The following TENM3 variants were observed in gnomAD, a reference collection of about 807,000 sequenced individuals.
TENM3 encodes teneurin-3.
A neutral mutation model predicts 255.1 loss-of-function variants in TENM3; 63 were observed. That is an observed-to-expected ratio of 0.25 (90% CI 0.20 to 0.30). The LOEUF (loss-of-function observed/expected upper bound fraction) is 0.30, where lower values mean the gene tolerates loss of function less well. Ranked by LOEUF, TENM3 falls within the 10% of genes least tolerant of loss-of-function variation. TENM3 has a pLI of 1.00. For missense variants in TENM3, 2,929 were observed against 3,461.1 expected (o/e 0.85, Z 3.86); for synonymous variants, 1,306 against 1,322.3 (o/e 0.99, Z 0.27).
chr4:182,742,058 T>C (rs542262055), intron 18 of TENM3, among the ~76,000 whole-genome samples: 12 of 152,338 alleles, frequency 7.9e-5, no homozygotes, highest in African/African-American at 2.6e-4. Flanking sequence ...ATAGAATATA[T>C]GCCGCTCTAA....
At chr4:181,565,209 T>C in the TENM3 span, among the ~76,000 whole-genome samples, 12 of 152,332 alleles carry the variant, frequency 7.9e-5, no homozygotes, top group Admixed American at 3.3e-4. Context: ...AACTGTCCCA[T>C]GACCTTCATC....
chr4:181,687,209 G>A, the TENM3 span, among the ~76,000 whole-genome samples: 1 of 152,124 alleles, frequency 6.6e-6, no homozygotes, highest in Non-Finnish European at 1.5e-5. Flanking sequence ...ACCATTACAT[G>A]TGTTAGTAGA....
chr4:181,678,588 A>G, the TENM3 span, among the ~76,000 whole-genome samples: 1 of 152,144 alleles, frequency 6.6e-6, no homozygotes, highest in South Asian at 2.1e-4. Context: ...ATAGATAGGC[A>G]TAACTTACTT....
the TENM3 span, among the ~76,000 whole-genome samples, chr4:181,846,901 G>C: frequency 1.7e-4 from 26 of 152,198 alleles, no homozygotes; most frequent in Admixed American, 8.5e-4. Flanking sequence ...GTGTACAAAT[G>C]CATTTAAATA....
intron 3 of TENM3, among the ~76,000 whole-genome samples, chr4:182,433,591 T>C (rs1480492995): frequency 1.3e-5 from 2 of 152,144 alleles, no homozygotes; most frequent in African/African-American, 4.8e-5. Context: ...GAAAAATCAC[T>C]TCGTCAAGTG....
chr4:182,310,599 C>T (rs1030353322), intron 1 of TENM3, among the ~76,000 whole-genome samples: 2 of 152,136 alleles, frequency 1.3e-5, no homozygotes, highest in East Asian at 3.9e-4. Context: ...AGACTTTGTT[C>T]AGGCTGTTCC....
the TENM3 span, among the ~76,000 whole-genome samples, chr4:182,007,111 G>C: frequency 6.6e-6 from 1 of 152,080 alleles, no homozygotes; most frequent in Non-Finnish European, 1.5e-5. Context: ...TATGATTTCA[G>C]TTCTTCTGCA....
At chr4:182,170,806 T>A (rs1752054825) in intron 1 of TENM3, among the ~76,000 whole-genome samples, 1 of 152,210 alleles carries the variant, frequency 6.6e-6, no homozygotes. Flanking sequence ...ACAGAAAATG[T>A]TAAGTGGCAA....
chr4:182,384,569 A>C lies in TENM3; in HGVS notation c.511+37640A>C, dbSNP rs531411660. On this transcript the variant is annotated intron_variant, in intron 3 of 27. Coordinates refer to ENST00000511685, the MANE Select transcript of TENM3 (RefSeq NM_001080477.4). ...GGTTCCTTTCCATTGACTTTCAAAA[A>C]CACCACCGATATTGAAATATTTGTG... 3.9e-5 allele frequency among the ~76,000 whole-genome samples: 6 copies of C among 152,212 alleles called. No homozygotes were observed. In the South Asian group the frequency reaches 1.2e-3, roughly 32 times the overall value.
At chr4:182,602,109 C>A (rs750315097) in intron 4 of TENM3, among the ~76,000 whole-genome samples, 1 of 152,348 alleles carries the variant, frequency 6.6e-6, no homozygotes, top group South Asian at 2.1e-4. Flanking sequence ...TGGACAGGAG[C>A]GTAACAGTCA....
At chr4:181,539,185 C>A in the TENM3 span, among the ~76,000 whole-genome samples, 4 of 152,216 alleles carry the variant, frequency 2.6e-5, no homozygotes, top group East Asian at 7.7e-4. Context: ...GAAGAACCAA[C>A]CAACCAGGGA....
At chr4:182,741,710 T>C (rs1561186776) in intron 18 of TENM3, among the ~76,000 whole-genome samples, 1 of 152,266 alleles carries the variant, frequency 6.6e-6, no homozygotes, top group Non-Finnish European at 1.5e-5. Context: ...CCTCTTGTTA[T>C]GATCCAGCCT....
chr4:181,641,554 GTATA>G, the TENM3 span, among the ~76,000 whole-genome samples: 384 of 26,882 alleles, frequency 0.014, 17 homozygotes, highest in African/African-American at 0.036. Context: ...TGGTGTGTGT[GTATA>G]TATATATATA....
At chr4:181,736,162 G>A in the TENM3 span, among the ~76,000 whole-genome samples, 1 of 152,100 alleles carries the variant, frequency 6.6e-6, no homozygotes, top group Non-Finnish European at 1.5e-5. Context: ...GCCGGGCGTG[G>A]TGGCACGTGC....
At chr4:181,621,421 G>T in the TENM3 span, among the ~76,000 whole-genome samples, 2 of 152,012 alleles carry the variant, frequency 1.3e-5, no homozygotes, top group Non-Finnish European at 2.9e-5. Context: ...GCAATTTGAC[G>T]AGTTAACTAC....
chr4:181,945,876 C>A, the TENM3 span, among the ~76,000 whole-genome samples: 1 of 152,058 alleles, frequency 6.6e-6, no homozygotes, highest in African/African-American at 2.4e-5. Context: ...CACACAAGCA[C>A]ACGTGCACAT....
At chr4:182,096,794 A>C in the TENM3 span, among the ~76,000 whole-genome samples, 3 of 152,198 alleles carry the variant, frequency 2.0e-5, no homozygotes, top group African/African-American at 7.2e-5. Flanking sequence ...GTTGAACTGC[A>C]CCAAGAGTAT....
the TENM3 span, among the ~76,000 whole-genome samples, chr4:182,131,366 G>A: frequency 0.013 from 2,034 of 152,152 alleles, 35 homozygotes; most frequent in African/African-American, 0.046. Context: ...ATGAGCTCAG[G>A]TCATAGTTCA....
At position 182,784,409 on chromosome 4, in the gene TENM3, G is replaced by A. The variant is rs1439957886; in HGVS notation, c.5305-4684G>A. Among the ~76,000 whole-genome samples, 4 of 151,756 alleles carry A rather than the reference G, an allele frequency of 2.6e-5. No individual in the cohort carries two copies. In the South Asian group the frequency reaches 6.4e-4, roughly 24 times the overall value. ...ACCCACTTGAGGAGGCACTCTGCCA[G>A]TTTTCAGATCTCCAGCTGCGTGCTG... On this transcript the variant is annotated intron_variant, in intron 24 of 27. Transcript: ENST00000511685.
Sources: allele counts gnomAD v4.1 joint callset (sites outside exome capture counted in the v4.1 genomes callset), GRCh38; gene constraint gnomAD v4.1.1; transcripts MANE v1.5; gene names NCBI Gene and HGNC (gene_info 2026-07-23, HGNC 2026-07-21).